SHC3: variants seen among roughly 807,000 people sequenced by gnomAD.
SHC3 encodes the protein SHC adaptor protein 3, also known as SHC-transforming protein 3.
In SHC3, 15 loss-of-function variants were observed where a neutral mutation model predicts 60.4. The ratio of observed to expected loss-of-function variants is 0.25; its 90% CI spans 0.17 to 0.38. The LOEUF (loss-of-function observed/expected upper bound fraction) is 0.38, where lower values mean the gene tolerates loss of function less well. SHC3 is among the 10% of genes least tolerant of loss of function. The pLI is 1.00. For synonymous variants in SHC3, 294 were observed against 325.9 expected, an observed-to-expected ratio of 0.90 and a Z score of 1.05; for missense variants, 677 against 786.1, an observed-to-expected ratio of 0.86 and a Z score of 1.66.
At chr9:89,158,599 G>T (rs935296842) in intron 1 of SHC3, among the ~76,000 whole-genome samples, 1 of 152,074 alleles carries the variant, frequency 6.6e-6, no homozygotes, top group African/African-American at 2.4e-5. Context: ...TTCCATCAAT[G>T]GCTAGTGGTA....
chr9:89,145,156 G>T (rs527388695), intron 1 of SHC3, among the ~76,000 whole-genome samples: 27 of 152,166 alleles, frequency 1.8e-4, no homozygotes, highest in Non-Finnish European at 3.5e-4. Flanking sequence ...AACAGAAGAA[G>T]TGGCATGTTG....
chr9:89,063,080 C>A (rs546995960), intron 6 of SHC3, among the ~76,000 whole-genome samples: 1 of 152,324 alleles, frequency 6.6e-6, no homozygotes, highest in South Asian at 2.1e-4. Flanking sequence ...CCTTGACATT[C>A]TTTCCTTGAA....
At chr9:89,021,292 G>A (rs1826197181) in intron 11 of SHC3, among the ~76,000 whole-genome samples, 1 of 152,140 alleles carries the variant, frequency 6.6e-6, no homozygotes, top group Non-Finnish European at 1.5e-5. Context: ...TGGGAACTGT[G>A]CCATCTCCAT....
At chr9:89,059,780 T>C (rs1201532119) in intron 6 of SHC3, among the ~76,000 whole-genome samples, 113 of 13,988 alleles carry the variant, frequency 8.1e-3, no homozygotes, top group Admixed American at 9.2e-3. Context: ...TGGTGGAGGA[T>C]GGTGGTGGAG....
chr9:89,060,763 G>T (rs1409909837), intron 6 of SHC3, among the ~76,000 whole-genome samples: 2 of 152,126 alleles, frequency 1.3e-5, no homozygotes, highest in African/African-American at 4.8e-5. Context: ...ACTTTAGAGT[G>T]GAAGAGCGGG....
In SHC3 at chr9:89,037,975, C is replaced by T. The variant is rs761799499; in HGVS notation, c.1656+18G>A. The T allele has an allele frequency of 3.7e-6, 6 of 1,602,288 alleles. No homozygotes were observed. The South Asian group carries it at 4.4e-5, about 12-fold the overall frequency. On this transcript the variant is annotated intron_variant, in intron 11 of 11. Coordinates refer to ENST00000375835, the MANE Select transcript of SHC3 (RefSeq NM_016848.6). ...GCACCCACTGGCAGGTCCGGCCCCACCCCCACTGGGTGCTCACCGTGCCTT... is the reference window on the plus strand; with the variant it reads ...GCACCCACTGGCAGGTCCGGCCCCATCCCCACTGGGTGCTCACCGTGCCTT...
intron 7 of SHC3, among the ~76,000 whole-genome samples, chr9:89,047,428 T>C (rs1010195926): frequency 6.6e-6 from 1 of 152,156 alleles, no homozygotes; most frequent in African/African-American, 2.4e-5. Flanking sequence ...ACTGTTGTGC[T>C]TCAAAGGACA....
At chr9:89,175,676 G>T (rs1265975338) in intron 1 of SHC3, among the ~76,000 whole-genome samples, 1 of 152,154 alleles carries the variant, frequency 6.6e-6, no homozygotes, top group Non-Finnish European at 1.5e-5. Flanking sequence ...ATATCAAAGA[G>T]AATAATGCAT....
chr9:89,116,490 C>A (rs1166698011), intron 1 of SHC3, among the ~76,000 whole-genome samples: 1 of 152,130 alleles, frequency 6.6e-6, no homozygotes, highest in African/African-American at 2.4e-5. Flanking sequence ...TGTGTGGATA[C>A]CACAACCAAA....
At chr9:89,164,580 A>C (rs550964119) in intron 1 of SHC3, among the ~76,000 whole-genome samples, 2 of 152,218 alleles carry the variant, frequency 1.3e-5, no homozygotes, top group African/African-American at 4.8e-5. Context: ...TGAATTCTGT[A>C]AGCAAGGCAA....
intron 1 of SHC3, among the ~76,000 whole-genome samples, chr9:89,149,546 C>A (rs1184166558): frequency 6.6e-6 from 1 of 152,140 alleles, no homozygotes; most frequent in Non-Finnish European, 1.5e-5. Flanking sequence ...TTCCTCCCCT[C>A]TTCATCTGGA....
rs1825953766 is a variant in SHC3, at chr9:89,007,293, A to G, written c.*6154T>C. On this transcript the variant is annotated 3_prime_UTR_variant, in exon 12 of 12. Transcript: ENST00000375835. ...CTAACACTCAGTATCTGACGCCTGC[A>G]GTGCGAAGCCTCCAGAGTCCCCAGA... The G allele has an allele frequency of 6.6e-6, 1 of 152,320 alleles. No individual in the cohort carries two copies. The highest frequency in any genetic ancestry group is 1.5e-5 in the Non-Finnish European group (1 of 68,116). The allele number at this position is 152,320 out of a possible 1,614,324, so 9.4% of individuals were successfully genotyped here.
chr9:89,064,681 C>A (rs1825147803), intron 6 of SHC3, among the ~76,000 whole-genome samples: 1 of 152,062 alleles, frequency 6.6e-6, no homozygotes, highest in African/African-American at 2.4e-5. Context: ...CATCATGGAT[C>A]AGTTCATCTC....
intron 11 of SHC3, among the ~76,000 whole-genome samples, chr9:89,014,446 T>G (rs1826062596): frequency 6.6e-6 from 1 of 152,010 alleles, no homozygotes; most frequent in African/African-American, 2.4e-5. Flanking sequence ...AAGTGGGAGA[T>G]GGGGGCAGAA....
At chr9:89,043,205 G>A (rs1284761859) in intron 9 of SHC3, among the ~76,000 whole-genome samples, 2 of 152,124 alleles carry the variant, frequency 1.3e-5, no homozygotes, top group Non-Finnish European at 2.9e-5. Context: ...CTGGACATTT[G>A]CCAGCACACC....
At chr9:89,067,102 G>C (rs559393890) in intron 5 of SHC3, among the ~76,000 whole-genome samples, 1 of 152,330 alleles carries the variant, frequency 6.6e-6, no homozygotes, top group East Asian at 1.9e-4. Context: ...GTATTCACAG[G>C]CTGACTAGGG....
At chr9:89,053,163 G>A (rs576506077) in intron 6 of SHC3, among the ~76,000 whole-genome samples, 1 of 152,314 alleles carries the variant, frequency 6.6e-6, no homozygotes, top group Non-Finnish European at 1.5e-5. Flanking sequence ...TTTTACCAAT[G>A]GGATAAAGGA....
intron 1 of SHC3, among the ~76,000 whole-genome samples, chr9:89,177,297 G>A (rs1587772963): frequency 1.3e-5 from 2 of 152,300 alleles, no homozygotes; most frequent in South Asian, 4.1e-4. Context: ...GTGGCTCCAA[G>A]CGCAGCGCCC....
intron 1 of SHC3, among the ~76,000 whole-genome samples, chr9:89,143,305 C>T (rs1235984829): frequency 1.3e-5 from 2 of 152,108 alleles, no homozygotes; most frequent in Non-Finnish European, 2.9e-5. Context: ...TGAGGACGAC[C>T]AGCGGTCACT....
Sources: gnomAD v4.1 joint callset for allele counts (sites outside exome capture counted in the v4.1 genomes callset) on GRCh38, gnomAD v4.1.1 for gene constraint, MANE v1.5 for transcripts, NCBI Gene and HGNC (gene_info 2026-07-23, HGNC 2026-07-21) for gene names.